Variants in TCF4 observed in about 807,000 individuals in gnomAD.
TCF4 encodes transcription factor 4, also known as SL3-3 enhancer factor 2.
In TCF4, 3 loss-of-function variants were observed where a neutral mutation model predicts 82.1. That is an observed-to-expected ratio of 0.04 (90% CI 0.02 to 0.09). The LOEUF (loss-of-function observed/expected upper bound fraction) is 0.09. TCF4 is among the 10% of genes least tolerant of loss of function. The probability of loss-of-function intolerance (pLI) is 1.00; values close to 1 mark genes in which losing one functional copy is unlikely to be tolerated. For missense variants in TCF4, 518 were observed against 852.7 expected (o/e 0.61, Z 4.89); for synonymous variants, 276 against 309.6 (o/e 0.89, Z 1.14).
intron 11 of TCF4, among the ~76,000 whole-genome samples, chr18:55,263,099 C>A (rs1297624820): frequency 6.6e-6 from 1 of 152,124 alleles, no homozygotes; most frequent in Non-Finnish European, 1.5e-5. Context: ...TCACGGTGCC[C>A]AGCCGATAAT....
intron 5 of TCF4, chr18:55,422,402 G>C (rs1460003686): frequency 6.1e-6 from 6 of 984,764 alleles, no homozygotes; most frequent in Non-Finnish European, 2.4e-6. Context: ...GAAGGGAAAA[G>C]GTGGAGGGTT....
intron 3 of TCF4, among the ~76,000 whole-genome samples, chr18:55,465,097 T>C (rs2095982885): frequency 6.6e-6 from 1 of 152,186 alleles, no homozygotes; most frequent in South Asian, 2.1e-4. Flanking sequence ...AGTTTCACTG[T>C]TATATTATTT....
rs185506676 is a variant in TCF4 at position 55,302,502 on chromosome 18, T to C, written c.550-22846A>G. On this transcript the variant is annotated intron_variant, in intron 8 of 19. Transcript: ENST00000354452. ...AATTTCATCCTGTGGTGTTGTTTGC[T>C]GATTGGTCAGACATGGCTGACAGCA... 237 of 1,536,152 alleles carry C rather than the reference T, an allele frequency of 1.5e-4. 1 individual carries two copies. In the African/African-American group the frequency reaches 2.9e-3, roughly 19 times the overall value.
chr18:55,455,179 C>CAAAAAAAAAAAAAAAAAAAA (rs35889370), intron 5 of TCF4, among the ~76,000 whole-genome samples: 4 of 67,468 alleles, frequency 5.9e-5, no homozygotes, highest in Non-Finnish European at 8.7e-5. Flanking sequence ...GACTCTGTCT[C>CAAAAAAAAAAAAAAAAAAAA]AAAAAAAAAA....
At chr18:55,593,920 A>C (rs1383166138) in intron 2 of TCF4, among the ~76,000 whole-genome samples, 1 of 152,212 alleles carries the variant, frequency 6.6e-6, no homozygotes, top group Non-Finnish European at 1.5e-5. Context: ...CCTGTGGCAA[A>C]TGTGTAGAAA....
intron 10 of TCF4, among the ~76,000 whole-genome samples, chr18:55,270,791 G>A (rs941699261): frequency 1.3e-5 from 2 of 152,090 alleles, no homozygotes; most frequent in Non-Finnish European, 2.9e-5. Context: ...CCACCCATCT[G>A]CTTGGGAATG....
chr18:55,259,697 A>C, intron 13 of TCF4: 1 of 476,798 alleles, frequency 2.1e-6, no homozygotes, highest in East Asian at 3.5e-5. Flanking sequence ...AGAAAAGTGT[A>C]AGAAATACAT....
intron 5 of TCF4, among the ~76,000 whole-genome samples, chr18:55,414,722 G>A (rs984231853): frequency 9.9e-5 from 15 of 152,126 alleles, no homozygotes; most frequent in African/African-American, 3.4e-4. Context: ...AACTGCCCTT[G>A]TATAGTTTAG....
chr18:55,341,159 G>T (rs2079863518), intron 8 of TCF4, among the ~76,000 whole-genome samples: 1 of 152,176 alleles, frequency 6.6e-6, no homozygotes, highest in Non-Finnish European at 1.5e-5. Flanking sequence ...GGTCTACAGA[G>T]TGTCTGAAAC....
chr18:55,586,043 G>A, intron 2 of TCF4: 2 of 1,386,026 alleles, frequency 1.4e-6, no homozygotes, highest in South Asian at 1.3e-5. Context: ...AAAGGGGGCT[G>A]CAAAGCTGCC....
intron 3 of TCF4, among the ~76,000 whole-genome samples, chr18:55,547,574 T>A (rs985861593): frequency 6.6e-6 from 1 of 152,174 alleles, no homozygotes. Context: ...GAAAGGCTAT[T>A]ATAATAAATA....
upstream of TCF4, chr18:55,589,869 A>T: frequency 1.0e-6 from 1 of 996,930 alleles, no homozygotes; most frequent in African/African-American, 1.7e-5. Context: ...GCGGGGCGGG[A>T]GCAGGCGACC....
chr18:55,510,398 T>C (rs2096813440), intron 3 of TCF4, among the ~76,000 whole-genome samples: 1 of 152,204 alleles, frequency 6.6e-6, no homozygotes, highest in Non-Finnish European at 1.5e-5. Flanking sequence ...CATTTATATG[T>C]GTCCAACCTG....
chr18:55,326,771 A>C (rs1028089158), intron 8 of TCF4, among the ~76,000 whole-genome samples: 3 of 152,122 alleles, frequency 2.0e-5, no homozygotes, highest in Non-Finnish European at 4.4e-5. Context: ...AGCAGGAGTC[A>C]CTCCTAACAA....
intron 5 of TCF4, among the ~76,000 whole-genome samples, chr18:55,407,316 T>C (rs941453195): frequency 3.9e-5 from 6 of 152,164 alleles, no homozygotes; most frequent in Admixed American, 2.0e-4. Flanking sequence ...AAAAATGATG[T>C]ATACAAGGGA....
At position 55,631,189 on chromosome 18, in the gene TCF4, A is replaced by G. The variant is rs557752034; in HGVS notation, c.286+109T>C. 3.3e-4 allele frequency: 158 copies of G among 475,432 alleles called. 1 individual carries two copies. Among genetic ancestry groups the G allele is most frequent in the South Asian group, 2.3e-3 (97 of 41,344 alleles). The allele number at this position is 475,432 out of a possible 1,614,324, so 29.5% of individuals were successfully genotyped here. On this transcript the variant is annotated intron_variant, in intron 2 of 20. Transcript: ENST00000398339. ...CTCAGCCTCTTGAGTAGTTGGGACT[A>G]CAGGCACATGCCACCATACCCAGCT... is the stretch of plus-strand genomic sequence containing the variant.
chr18:55,416,821 C>G lies in TCF4; in HGVS notation c.305-13303G>C, dbSNP rs866193022. Reference sequence around the variant, plus strand: ...ACATGCAGCCTGCTAAGGCCAGTGACGGGGATAATGCCTCTTTACGTGGGT... The same window carrying G: ...ACATGCAGCCTGCTAAGGCCAGTGAGGGGGATAATGCCTCTTTACGTGGGT... On this transcript the variant is annotated intron_variant, in intron 5 of 19. Transcript: ENST00000354452. Among the ~76,000 whole-genome samples the G allele has an allele frequency of 3.3e-5, 5 of 152,256 alleles. No homozygotes were observed. The Middle Eastern group carries it at 0.01, about 311-fold the overall frequency.
chr18:55,520,474 T>C (rs2096923929), intron 3 of TCF4, among the ~76,000 whole-genome samples: 1 of 152,180 alleles, frequency 6.6e-6, no homozygotes, highest in African/African-American at 2.4e-5. Context: ...GAGATATACA[T>C]AGGCTCCCAA....
intron 2 of TCF4, among the ~76,000 whole-genome samples, chr18:55,597,991 A>G (rs2097692922): frequency 1.3e-5 from 2 of 152,344 alleles, no homozygotes; most frequent in Admixed American, 1.3e-4. Context: ...AATTCATTCA[A>G]GATGAAAAAC....
Sources: gnomAD v4.1 joint callset for allele counts (sites outside exome capture counted in the v4.1 genomes callset) on GRCh38, gnomAD v4.1.1 for gene constraint, MANE v1.5 for transcripts, NCBI Gene and HGNC (gene_info 2026-07-23, HGNC 2026-07-21) for gene names.